LYN: variants seen among roughly 807,000 people sequenced by gnomAD.
LYN encodes the protein LYN proto-oncogene, Src family tyrosine kinase.
Under a neutral mutation model 65.0 loss-of-function variants are expected in LYN, and 12 were observed. The observed-to-expected ratio is 0.18, with a 90% CI of 0.12 to 0.30. The LOEUF is 0.30. LYN is among the 10% of genes least tolerant of loss of function. The pLI, the probability that LYN is intolerant of heterozygous loss-of-function variation, is 1.00. For synonymous variants in LYN, 222 were observed against 221.2 expected, an observed-to-expected ratio of 1.00 and a Z score of -0.03; for missense variants, 380 against 623.2, an observed-to-expected ratio of 0.61 and a Z score of 4.16.
At chr8:55,944,661 A>G (rs1185722897) in intron 2 of LYN, among the ~76,000 whole-genome samples, 1 of 152,116 alleles carries the variant, frequency 6.6e-6, no homozygotes, top group East Asian at 1.9e-4. Context: ...TTGTATTTTT[A>G]GTAGAGATGG....
chr8:55,893,591 G>C (rs771821817), intron 1 of LYN: 12 of 152,174 alleles, frequency 7.9e-5, no homozygotes, highest in Non-Finnish European at 1.6e-4. Context: ...TGTGGCATTT[G>C]TTAATCCATG....
intron 1 of LYN, among the ~76,000 whole-genome samples, chr8:55,886,335 G>A (rs2130351492): frequency 6.6e-6 from 1 of 151,502 alleles, no homozygotes; most frequent in South Asian, 2.1e-4. Flanking sequence ...CTCCTCCCAG[G>A]TTCAAGCGAT....
Position 56,010,267 on chromosome 8 carries a change from A to G in LYN, c.*157A>G. The G allele has an allele frequency of 1.5e-6, 1 of 688,946 alleles. No individual in the cohort carries two copies. 42.7% of individuals were successfully genotyped at this position (688,946 alleles called of 1,614,324 possible). On this transcript the variant is annotated 3_prime_UTR_variant, in exon 13 of 13. Coordinates refer to ENST00000519728, the MANE Select transcript of LYN (RefSeq NM_002350.4). Reference sequence around the variant, plus strand: ...AAATTACTCAGGAAGAACACCCTCTAAATGGGAAAGTATTCTGTACTCTTA... The same window carrying G: ...AAATTACTCAGGAAGAACACCCTCTGAATGGGAAAGTATTCTGTACTCTTA...
chr8:55,915,156 C>G (rs955404633), intron 1 of LYN, among the ~76,000 whole-genome samples: 2 of 152,046 alleles, frequency 1.3e-5, no homozygotes, highest in African/African-American at 4.8e-5. Flanking sequence ...TTTCAGTTTC[C>G]ATCGCTGTGT....
At chr8:55,891,830 A>G (rs955642805) in intron 1 of LYN, among the ~76,000 whole-genome samples, 13 of 152,150 alleles carry the variant, frequency 8.5e-5, no homozygotes, top group Non-Finnish European at 1.8e-4. Context: ...CTGGCTGGGT[A>G]TTTACCTACC....
At chr8:56,009,875 G>T (rs370498424) in intron 12 of LYN, 33 bp from the exon 13 acceptor site, 20 of 1,589,550 alleles carry the variant, frequency 1.3e-5, no homozygotes, top group Non-Finnish European at 1.6e-5. Flanking sequence ...AAACGGCATG[G>T]GTTTCTGTTC....
At position 55,958,038 on chromosome 8, in the gene LYN, A is replaced by C. The variant is rs972510917; in HGVS notation, c.790+4054A>C. ...CAGCTGTGGTGTCAGTGCGTCCTGC[A>C]GGGGGTGCCTGGCGAGGTTGGGAGC... is the stretch of plus-strand genomic sequence containing the variant. On this transcript the variant is annotated intron_variant, in intron 8 of 12. Transcript: ENST00000519728. Among the ~76,000 whole-genome samples, 3 of 152,300 alleles carry C rather than the reference A, an allele frequency of 2.0e-5. No individual in the cohort carries two copies. In the South Asian group the frequency reaches 6.2e-4, roughly 32 times the overall value.
intron 12 of LYN, among the ~76,000 whole-genome samples, chr8:56,009,196 A>G (rs2130603167): frequency 6.6e-6 from 1 of 152,330 alleles, no homozygotes; most frequent in South Asian, 2.1e-4. Flanking sequence ...CTGCAAACAT[A>G]ATTAAAGTTG....
chr8:55,885,732 G>A (rs895641248), intron 1 of LYN, among the ~76,000 whole-genome samples: 11 of 152,218 alleles, frequency 7.2e-5, no homozygotes, highest in African/African-American at 2.7e-4. Context: ...GACCACTTCT[G>A]CTTTCCAGGG....
rs752411201 is a variant in LYN, at chr8:55,966,845, T to G, written c.921T>G (p.Ala307=). The change falls in exon 9 of 13, where the codon GCT becomes GCG. Residue 307 remains alanine (A), a synonymous_variant. Transcript: ENST00000519728. ...LQHDKLVRLY[A]VVTREEPIYI... ...ATGACAAGCTCGTGAGGCTCTACGC[T>G]GTGGTCACCAGGGAGGAGCCCATTT... 1.2e-6 allele frequency: 2 copies of G among 1,614,076 alleles called. No individual in the cohort carries two copies. The highest frequency in any genetic ancestry group is 3.3e-5 in the Admixed American group (2 of 60,006).
chr8:55,909,726 A>G (rs368565301), intron 1 of LYN, among the ~76,000 whole-genome samples: 1 of 152,290 alleles, frequency 6.6e-6, no homozygotes, highest in East Asian at 1.9e-4. Flanking sequence ...AATAGTGTAT[A>G]AGCATTGCCT....
At chr8:55,924,385 T>A (rs1806038401) in intron 1 of LYN, among the ~76,000 whole-genome samples, 1 of 151,826 alleles carries the variant, frequency 6.6e-6, no homozygotes, top group African/African-American at 2.4e-5. Flanking sequence ...TTTTTTGAGA[T>A]GGAGTCTTGC....
At chr8:55,922,982 G>A (rs1012958085) in intron 1 of LYN, among the ~76,000 whole-genome samples, 1 of 152,072 alleles carries the variant, frequency 6.6e-6, no homozygotes, top group Non-Finnish European at 1.5e-5. Flanking sequence ...TCTGCTCCAT[G>A]CCTTTCCGAG....
At chr8:55,951,620 G>T (rs919343303) in intron 6 of LYN, among the ~76,000 whole-genome samples, 6 of 150,648 alleles carry the variant, frequency 4.0e-5, no homozygotes, top group African/African-American at 1.2e-4. Context: ...AGCTATGATT[G>T]TGCCACTCTA....
intron 8 of LYN, 139 bp downstream of exon 8, chr8:55,954,123 A>AT: frequency 1.1e-6 from 1 of 932,922 alleles, no homozygotes; most frequent in Non-Finnish European, 1.6e-6. Flanking sequence ...TCCTCTGTCC[A>AT]TTGGGGCTGA....
intron 8 of LYN, among the ~76,000 whole-genome samples, chr8:55,959,907 C>A (rs1479971241): frequency 6.6e-6 from 1 of 152,050 alleles, no homozygotes; most frequent in Non-Finnish European, 1.5e-5. Flanking sequence ...TGAAAGAAAT[C>A]AGGCCCAAAG....
At chr8:55,992,697 G>A (rs1267858174) in intron 10 of LYN, among the ~76,000 whole-genome samples, 1 of 152,148 alleles carries the variant, frequency 6.6e-6, no homozygotes, top group Non-Finnish European at 1.5e-5. Context: ...ATGATCTAGT[G>A]CTCTGCTTCT....
At chr8:55,967,857 A>G (rs1162441768) in intron 9 of LYN, among the ~76,000 whole-genome samples, 11 of 152,208 alleles carry the variant, frequency 7.2e-5, no homozygotes, top group African/African-American at 2.7e-4. Flanking sequence ...GAAACATACT[A>G]ATAAACTGCC....
At chr8:56,008,521 G>T (rs1453392698) in intron 12 of LYN, among the ~76,000 whole-genome samples, 1 of 152,212 alleles carries the variant, frequency 6.6e-6, no homozygotes, top group Non-Finnish European at 1.5e-5. Context: ...TACAGGTGTG[G>T]ATAGATACTG....
Sources: allele counts gnomAD v4.1 joint callset (sites outside exome capture counted in the v4.1 genomes callset), GRCh38; gene constraint gnomAD v4.1.1; transcripts MANE v1.5; gene names NCBI Gene and HGNC (gene_info 2026-07-23, HGNC 2026-07-21).